PACSIN2: variants seen among roughly 807,000 people sequenced by gnomAD.
PACSIN2 encodes the protein protein kinase C and casein kinase substrate in neurons 2.
Under a neutral mutation model 63.8 loss-of-function variants are expected in PACSIN2, and 25 were observed. The observed-to-expected ratio is 0.39, with a 90% CI of 0.29 to 0.55. The LOEUF (loss-of-function observed/expected upper bound fraction) is 0.55, where lower values mean the gene tolerates loss of function less well. PACSIN2 is among the 20% of genes least tolerant of loss of function. The probability of loss-of-function intolerance (pLI) is 0.62; values close to 1 mark genes in which losing one functional copy is unlikely to be tolerated. For missense variants in PACSIN2, 518 were observed against 646.9 expected (o/e 0.80, Z 2.16); for synonymous variants, 255 against 256.2 (o/e 1.00, Z 0.05).
Position 42,891,195 on chromosome 22 carries a change from G to A in PACSIN2, c.218-13C>T. 6.3e-7 allele frequency: 1 copy of A among 1,591,558 alleles called. No homozygotes were observed. The highest frequency in any genetic ancestry group is 8.6e-7 in the Non-Finnish European group (1 of 1,161,184). On this transcript the variant is annotated splice_polypyrimidine_tract_variant and intron_variant, in intron 3 of 10. Coordinates refer to ENST00000263246, the MANE Select transcript of PACSIN2 (RefSeq NM_001184970.3). ...CCGTACTGGGGCCCTGTGCAGGGGA[G>A]AGAAGCTGCGGGTCACTCAGCGCCG...
chr22:42,886,613 G>A (rs1413603371), intron 5 of PACSIN2, among the ~76,000 whole-genome samples: 1 of 152,080 alleles, frequency 6.6e-6, no homozygotes, highest in Non-Finnish European at 1.5e-5. Flanking sequence ...CTACAGGCAC[G>A]TGCTACCACA....
At chr22:42,987,916 A>ATG (rs1922750774) in intron 1 of PACSIN2, among the ~76,000 whole-genome samples, 1 of 151,996 alleles carries the variant, frequency 6.6e-6, no homozygotes, top group Non-Finnish European at 1.5e-5. Context: ...TGAGGCGGGC[A>ATG]GATCACTTGA....
At position 42,891,141 on chromosome 22, in the gene PACSIN2, T is replaced by A. The variant is rs745668624; in HGVS notation, c.259A>T (p.Met87Leu). ...GTVEKAWMAF[M>L]SEAERVSELH... Reference sequence around the variant, plus strand: ...TCGCTCACCCTCTCTGCCTCGGACATGAAGGCCATCCAGGCCTTCTCCACG... The same window carrying A: ...TCGCTCACCCTCTCTGCCTCGGACAAGAAGGCCATCCAGGCCTTCTCCACG... Residue 87 changes from methionine to leucine, a missense_variant, in exon 4 of 11, where the codon ATG becomes TTG. Transcript: ENST00000263246. 6.2e-7 allele frequency: 1 copy of A among 1,613,994 alleles called. No homozygotes were observed.
intron 2 of PACSIN2, among the ~76,000 whole-genome samples, chr22:42,899,559 G>A (rs1416798506): frequency 6.6e-6 from 1 of 152,194 alleles, no homozygotes; most frequent in Non-Finnish European, 1.5e-5. Flanking sequence ...GTGGGCAGAG[G>A]TGGGTGTACA....
At chr22:42,967,754 G>A (rs1251888807) in intron 1 of PACSIN2, among the ~76,000 whole-genome samples, 1 of 152,168 alleles carries the variant, frequency 6.6e-6, no homozygotes, top group Non-Finnish European at 1.5e-5. Flanking sequence ...CGGGCGTGGG[G>A]GTGGGCGCCT....
At chr22:42,933,592 G>A (rs1051360687) in intron 1 of PACSIN2, among the ~76,000 whole-genome samples, 3 of 152,158 alleles carry the variant, frequency 2.0e-5, no homozygotes, top group African/African-American at 4.8e-5. Flanking sequence ...CAGCCTGTCC[G>A]TCCTATACTC....
chr22:42,928,142 A>C (rs1932654623), intron 1 of PACSIN2, among the ~76,000 whole-genome samples: 1 of 152,252 alleles, frequency 6.6e-6, no homozygotes. Flanking sequence ...CTCAATCTAC[A>C]CTTAAGGGGC....
rs370826871 is a variant in PACSIN2 at position 42,884,526 on chromosome 22, G to A, written c.645C>T (p.Leu215=). 340 of 1,614,028 alleles carry A rather than the reference G, an allele frequency of 2.1e-4. No individual in the cohort carries two copies. Among genetic ancestry groups the A allele is most frequent in the Middle Eastern group, 8.3e-4 (5 of 6,060 alleles). ...KEKYEKSLKE[L]DQGTPQYMEN... ...CCATGTACTGGGGTGTGCCCTGGTC[G>A]AGTTCCTTCAGGGACTTCTCATACT... Residue 215 remains leucine, a synonymous_variant, in exon 6 of 11, where the codon CTC becomes CTT. Transcript: ENST00000263246.
intron 1 of PACSIN2, among the ~76,000 whole-genome samples, 198 bp downstream of exon 1, chr22:43,014,823 C>G (rs2146938260): frequency 6.6e-6 from 1 of 151,402 alleles, no homozygotes; most frequent in South Asian, 2.1e-4. Context: ...CTTCTCCAGG[C>G]GCCCCCCGGG....
At chr22:42,986,796 C>T (rs1006695963) in intron 1 of PACSIN2, among the ~76,000 whole-genome samples, 1 of 152,156 alleles carries the variant, frequency 6.6e-6, no homozygotes, top group African/African-American at 2.4e-5. Context: ...TGCATCAACA[C>T]TTGTCTCTCT....
rs76752889 is a variant in PACSIN2 at position 42,913,681 on chromosome 22, C to T, written c.-77-1524G>A. Reference sequence around the variant, plus strand: ...ATTATTGTTGCCACTATTATTATTGCATAGTAATTATGATTACTATCATTA... The same window carrying T: ...ATTATTGTTGCCACTATTATTATTGTATAGTAATTATGATTACTATCATTA... On this transcript the variant is annotated intron_variant, in intron 1 of 10. Transcript: ENST00000263246. 4.8e-3 allele frequency among the ~76,000 whole-genome samples: 738 copies of T among 152,166 alleles called. 1 individual carries two copies. Among genetic ancestry groups the T allele is most frequent in the African/African-American group, 0.016 (645 of 41,498 alleles).
intron 1 of PACSIN2, among the ~76,000 whole-genome samples, chr22:42,983,824 AACTG>A (rs1473809044): frequency 1.2e-4 from 19 of 152,266 alleles, no homozygotes; most frequent in African/African-American, 4.3e-4. Flanking sequence ...TTCTTCAGTT[AACTG>A]ACTGGTGGTC....
intron 1 of PACSIN2, among the ~76,000 whole-genome samples, chr22:42,984,204 T>C (rs189439275): frequency 1.3e-5 from 2 of 151,972 alleles, no homozygotes; most frequent in Admixed American, 6.5e-5. Flanking sequence ...ACTCCCAAAC[T>C]CAAGTAATCT....
intron 7 of PACSIN2, among the ~76,000 whole-genome samples, chr22:42,879,864 T>A (rs1402075358): frequency 1.3e-5 from 2 of 152,122 alleles, no homozygotes; most frequent in African/African-American, 4.8e-5. Context: ...CTCCCCAGTG[T>A]TTTGCTGCCC....
At position 42,871,737 on chromosome 22, in the gene PACSIN2, C is replaced by A. The variant is rs929917064; in HGVS notation, c.1349-268G>T. 2.0e-5 allele frequency among the ~76,000 whole-genome samples: 3 copies of A among 152,226 alleles called. No homozygotes were observed. The highest frequency in any genetic ancestry group is 4.4e-5 in the Non-Finnish European group (3 of 68,040). On this transcript the variant is annotated intron_variant, in intron 10 of 10. Transcript: ENST00000263246. The surrounding 1 kb of genome is among the most constrained non-coding windows in gnomAD (Gnocchi z 5.4). ...GCTGCCACAGTGGCTCCCACTGAGACTGCGGCATCCAGCTCCATAGGGCTG... is the reference window on the plus strand; with the variant it reads ...GCTGCCACAGTGGCTCCCACTGAGAATGCGGCATCCAGCTCCATAGGGCTG...
intron 1 of PACSIN2, among the ~76,000 whole-genome samples, chr22:43,003,058 A>C (rs1923864156): frequency 1.3e-5 from 2 of 152,230 alleles, no homozygotes; most frequent in African/African-American, 2.4e-5. Context: ...TCAAACTAAC[A>C]ACCTCGAAGT....
chr22:42,882,152 C>A (rs746822729), intron 7 of PACSIN2, 32 bp downstream of exon 7: 11 of 1,612,386 alleles, frequency 6.8e-6, no homozygotes, highest in Non-Finnish European at 9.3e-6. Flanking sequence ...CTCTTCCAGG[C>A]TGATGAGCTC....
intron 1 of PACSIN2, among the ~76,000 whole-genome samples, chr22:43,011,840 C>T (rs934106962): frequency 1.2e-4 from 19 of 152,080 alleles, no homozygotes; most frequent in Admixed American, 9.8e-4. Context: ...GGTAAAACCC[C>T]ATCTCTATTA....
intron 1 of PACSIN2, among the ~76,000 whole-genome samples, chr22:42,920,512 GAAAC>G (rs1932113547): frequency 6.6e-6 from 1 of 152,126 alleles, no homozygotes; most frequent in Non-Finnish European, 1.5e-5. Flanking sequence ...TTTTTGGAAA[GAAAC>G]AAATTCAAGG....
Sources: allele counts gnomAD v4.1 joint callset (sites outside exome capture counted in the v4.1 genomes callset), GRCh38; gene constraint gnomAD v4.1.1; non-coding constraint Gnocchi (gnomAD v3.1); transcripts MANE v1.5; gene names NCBI Gene and HGNC (gene_info 2026-07-23, HGNC 2026-07-21).